PCDH15: variants seen among roughly 807,000 people sequenced by gnomAD.
The protein encoded by PCDH15 is protocadherin related 15.
In PCDH15, 129 loss-of-function variants were observed where a neutral mutation model predicts 178.5. The ratio of observed to expected loss-of-function variants is 0.72; its 90% confidence interval spans 0.63 to 0.84. The LOEUF (loss-of-function observed/expected upper bound fraction) is 0.84, where lower values mean the gene tolerates loss of function less well. Among genes scored for constraint, PCDH15 ranks in the 40% least tolerant of loss-of-function variants. The probability of loss-of-function intolerance (pLI) is 0.00; values close to 1 mark genes in which losing one functional copy is unlikely to be tolerated. For synonymous variants in PCDH15, 800 were observed against 732.0 expected (o/e 1.09, Z -1.50); for missense variants, 2,230 against 2,099.9 (o/e 1.06, Z -1.21).
chr10:55,122,586 A>C (rs1379006359), intron 2 of PCDH15, among the ~76,000 whole-genome samples: 2 of 152,198 alleles, frequency 1.3e-5, no homozygotes, highest in African/African-American at 4.8e-5. Flanking sequence ...TGATAAGATC[A>C]GTTTATGGAT....
At chr10:54,677,789 G>A (rs914096893) in intron 1 of PCDH15, among the ~76,000 whole-genome samples, 4 of 152,038 alleles carry the variant, frequency 2.6e-5, no homozygotes, top group Non-Finnish European at 4.4e-5. Flanking sequence ...CCAAGGAAAC[G>A]CAGCTTTATG....
At chr10:54,404,648 A>G (rs1305004408) in intron 3 of PCDH15, among the ~76,000 whole-genome samples, 1 of 152,126 alleles carries the variant, frequency 6.6e-6, no homozygotes, top group Non-Finnish European at 1.5e-5. Context: ...AATTTGACAA[A>G]CGGGATCTAA....
At chr10:53,955,343 C>T (rs889167134) in intron 23 of PCDH15, among the ~76,000 whole-genome samples, 1 of 152,100 alleles carries the variant, frequency 6.6e-6, no homozygotes, top group Non-Finnish European at 1.5e-5. Context: ...CCTAAACTAC[C>T]CTAACTCAGT....
intron 3 of PCDH15, among the ~76,000 whole-genome samples, chr10:54,459,023 G>A (rs7915247): frequency 0.033 from 5,013 of 152,122 alleles, 130 homozygotes; most frequent in South Asian, 0.11. Context: ...ATGTCTGCGT[G>A]GGTTTTCTCT....
At chr10:55,336,610 T>C (rs11004815) in intron 2 of PCDH15, among the ~76,000 whole-genome samples, 39,236 of 152,076 alleles carry the variant, frequency 0.26, 6,200 homozygotes, top group Admixed American at 0.36. Flanking sequence ...AGGAAAGTAA[T>C]GTCCTTATTT....
At chr10:54,454,513 T>C (rs2076692568) in intron 3 of PCDH15, among the ~76,000 whole-genome samples, 1 of 150,750 alleles carries the variant, frequency 6.6e-6, no homozygotes, top group African/African-American at 2.4e-5. Flanking sequence ...AAGCATCTTA[T>C]TCAACTGATG....
At chr10:53,979,477 A>C (rs867611562) in intron 21 of PCDH15, among the ~76,000 whole-genome samples, 1 of 152,218 alleles carries the variant, frequency 6.6e-6, no homozygotes, top group Non-Finnish European at 1.5e-5. Context: ...CAGCAAAACC[A>C]TATCACCCTC....
chr10:54,405,184 C>T (rs1261754237), intron 3 of PCDH15, among the ~76,000 whole-genome samples: 9 of 152,002 alleles, frequency 5.9e-5, no homozygotes, highest in Non-Finnish European at 1.2e-4. Context: ...ATTGCTCTAT[C>T]ACAAAGATAC....
At chr10:55,224,727 G>A (rs958307723) in intron 1 of PCDH15, among the ~76,000 whole-genome samples, 4 of 152,034 alleles carry the variant, frequency 2.6e-5, no homozygotes, top group Non-Finnish European at 5.9e-5. Context: ...CTTGCACATA[G>A]AATAAAACCC....
intron 2 of PCDH15, among the ~76,000 whole-genome samples, chr10:54,948,739 A>C (rs1838254658): frequency 1.3e-5 from 2 of 151,938 alleles, no homozygotes; most frequent in African/African-American, 4.8e-5. Flanking sequence ...AACAACTTTA[A>C]AAATGATCTC....
intron 20 of PCDH15, among the ~76,000 whole-genome samples, chr10:54,004,803 T>A (rs1006755032): frequency 6.6e-6 from 1 of 151,036 alleles, no homozygotes; most frequent in Non-Finnish European, 1.5e-5. Context: ...AGAAAAAAAA[T>A]TCTAAACTGT....
chr10:54,843,338 A>T (rs1953451491), intron 3 of PCDH15, among the ~76,000 whole-genome samples: 1 of 151,980 alleles, frequency 6.6e-6, no homozygotes, highest in Admixed American at 6.6e-5. Flanking sequence ...ACAATCAGGC[A>T]AATCTAATGC....
chr10:54,981,033 T>TA (rs200857391), intron 2 of PCDH15, among the ~76,000 whole-genome samples: 9,539 of 150,980 alleles, frequency 0.063, 456 homozygotes, highest in African/African-American at 0.12. Flanking sequence ...CCATCAAAGT[T>TA]AAAAAAAAAT....
At chr10:55,070,273 T>G (rs1437234962) in intron 2 of PCDH15, among the ~76,000 whole-genome samples, 1 of 152,140 alleles carries the variant, frequency 6.6e-6, no homozygotes, top group Non-Finnish European at 1.5e-5. Flanking sequence ...GCAGAAGCTG[T>G]TTAGTTTAAT....
chr10:55,304,450 T>A (rs903847964), intron 1 of PCDH15, among the ~76,000 whole-genome samples: 1 of 152,180 alleles, frequency 6.6e-6, no homozygotes, highest in African/African-American at 2.4e-5. Flanking sequence ...ACCTTTCAGG[T>A]TTTTATGTTT....
chr10:53,957,703 C>T (rs2087767877), intron 23 of PCDH15, among the ~76,000 whole-genome samples: 1 of 151,930 alleles, frequency 6.6e-6, no homozygotes, highest in African/African-American at 2.4e-5. Context: ...TATTTTCTGA[C>T]CACGGTTGAC....
chr10:55,367,834 T>G (rs1845404991), intron 2 of PCDH15, among the ~76,000 whole-genome samples: 1 of 152,060 alleles, frequency 6.6e-6, no homozygotes, highest in South Asian at 2.1e-4. Context: ...ACCTCAGACT[T>G]TAGTTTTCCT....
rs374390004 is a variant in PCDH15 at position 53,974,877 on chromosome 10, T to C, written c.2869-12985A>G. Reference sequence around the variant, plus strand: ...GTTTGGGGTACAATTGATCCAGTCATCGAGGTAGTGAGCATAGTACTCAAT... The same window carrying C: ...GTTTGGGGTACAATTGATCCAGTCACCGAGGTAGTGAGCATAGTACTCAAT... On this transcript the variant is annotated intron_variant, in intron 21 of 37. Transcript: ENST00000644397. 8.5e-5 allele frequency among the ~76,000 whole-genome samples: 13 copies of C among 152,252 alleles called. No homozygotes were observed. In the South Asian group the frequency reaches 1.7e-3, roughly 19 times the overall value.
chr10:54,442,525 A>G (rs1176119998), intron 3 of PCDH15, among the ~76,000 whole-genome samples: 1 of 141,428 alleles, frequency 7.1e-6, no homozygotes, highest in Non-Finnish European at 1.5e-5. Flanking sequence ...GCACATATAC[A>G]ACTCCACTCT....
Sources: allele counts gnomAD v4.1 joint callset (sites outside exome capture counted in the v4.1 genomes callset), GRCh38; gene constraint gnomAD v4.1.1; transcripts MANE v1.5; gene names NCBI Gene and HGNC (gene_info 2026-07-23, HGNC 2026-07-21).